Variants in RABGEF1 observed in about 807,000 individuals in gnomAD.
The protein encoded by RABGEF1 is RAB guanine nucleotide exchange factor 1.
Under a neutral mutation model 57.3 loss-of-function variants are expected in RABGEF1, and 26 were observed. The observed-to-expected ratio is 0.45, with a 90% CI of 0.33 to 0.63. RABGEF1 has a LOEUF of 0.63. RABGEF1 is among the 20% of genes least tolerant of loss of function. The probability of loss-of-function intolerance (pLI) is 0.02; values close to 1 mark genes in which losing one functional copy is unlikely to be tolerated. For missense variants in RABGEF1, 464 were observed against 607.6 expected (o/e 0.76, Z 2.48); for synonymous variants, 185 against 210.7 (o/e 0.88, Z 1.06).
At chr7:66,723,142 TA>T (rs1310852926) in intron 2 of RABGEF1, among the ~76,000 whole-genome samples, 3 of 152,146 alleles carry the variant, frequency 2.0e-5, no homozygotes, top group Non-Finnish European at 4.4e-5. Context: ...CTAGTTTTTG[TA>T]TTTTTAGTAG....
In RABGEF1 at chr7:66,752,038, CA is replaced by C. The variant is rs552233250; in HGVS notation, c.-18+11254del. The stretch of plus-strand genomic sequence containing the variant: ...AAAGACCCCATCTATATAAACAAAC[CA>C]AAAAAAACCCGCAAAAAACTAGCCA... On this transcript the variant is annotated intron_variant, in intron 1 of 8. Transcript: ENST00000284957. 9.3e-5 allele frequency among the ~76,000 whole-genome samples: 14 copies of C among 151,258 alleles called. No homozygotes were observed. The South Asian group carries it at 2.9e-3, about 32-fold the overall frequency.
intron 3 of RABGEF1, among the ~76,000 whole-genome samples, chr7:66,778,864 C>T (rs530390695): frequency 6.6e-6 from 1 of 152,260 alleles, no homozygotes; most frequent in South Asian, 2.1e-4. Context: ...GCCTATAATC[C>T]CAGCACTTTG....
chr7:66,771,088 C>T (rs1272950166), intron 1 of RABGEF1, among the ~76,000 whole-genome samples: 2 of 151,924 alleles, frequency 1.3e-5, no homozygotes, highest in African/African-American at 4.8e-5. Context: ...TGTGTTGTTC[C>T]TTTTTACCCT....
chr7:66,704,908 C>G (rs759975726), intron 1 of RABGEF1, among the ~76,000 whole-genome samples: 1 of 152,074 alleles, frequency 6.6e-6, no homozygotes, highest in East Asian at 1.9e-4. Flanking sequence ...TGCAGCTGGC[C>G]TATATTTAGT....
chr7:66,753,992 A>G (rs1802095065), intron 1 of RABGEF1, among the ~76,000 whole-genome samples: 1 of 148,380 alleles, frequency 6.7e-6, no homozygotes. Context: ...GGCATGAGCC[A>G]ACGTACTAGG....
chr7:66,709,627 A>G (rs1794547232), intron 1 of RABGEF1, among the ~76,000 whole-genome samples: 1 of 152,102 alleles, frequency 6.6e-6, no homozygotes, highest in Non-Finnish European at 1.5e-5. Context: ...TCTCTACTAA[A>G]AATACGAAAT....
At chr7:66,673,406 T>C in the RABGEF1 span, among the ~76,000 whole-genome samples, 2 of 151,988 alleles carry the variant, frequency 1.3e-5, no homozygotes. Context: ...ATCGTGGATG[T>C]GGGTGTAGAG....
intron 1 of RABGEF1, among the ~76,000 whole-genome samples, chr7:66,706,085 G>A (rs901970971): frequency 1.6e-4 from 24 of 150,474 alleles, no homozygotes; most frequent in African/African-American, 5.4e-4. Context: ...TGTATTTTTA[G>A]TAGAGACGGG....
upstream of RABGEF1, among the ~76,000 whole-genome samples, chr7:66,680,277 G>C (rs192026896): frequency 2.3e-3 from 345 of 150,806 alleles, 2 homozygotes; most frequent in African/African-American, 8.2e-3. Flanking sequence ...ACAGAGTTTC[G>C]CTCTTGTTGC....
At chr7:66,707,964 AT>A (rs1794331669) in intron 1 of RABGEF1, among the ~76,000 whole-genome samples, 1 of 151,958 alleles carries the variant, frequency 6.6e-6, no homozygotes, top group Non-Finnish European at 1.5e-5. Context: ...TGCATGGAAT[AT>A]TTTTGCATCC....
rs142280137 is a variant in RABGEF1 at position 66,712,625 on chromosome 7, C to G, written c.-815+401C>G. Among the ~76,000 whole-genome samples, 91 of 152,088 alleles carry G rather than the reference C, an allele frequency of 6.0e-4. 1 individual carries two copies. The South Asian group carries it at 0.012, about 20-fold the overall frequency. Reference sequence around the variant, plus strand: ...AGCTGAGACTATAGGTGTGCACCACCTCACCCAGCCAATTTTTTGTATCGT... The same window carrying G: ...AGCTGAGACTATAGGTGTGCACCACGTCACCCAGCCAATTTTTTGTATCGT... On this transcript the variant is annotated intron_variant and NMD_transcript_variant, in intron 2 of 9. Transcript: ENST00000607882.
intron 5 of RABGEF1, chr7:66,797,010 A>G (rs1209291953): frequency 5.3e-6 from 2 of 380,306 alleles, no homozygotes; most frequent in African/African-American, 2.2e-5. Context: ...CTATGAAAAT[A>G]TACTCTTGGC....
intron 2 of RABGEF1, among the ~76,000 whole-genome samples, chr7:66,719,449 G>GC (rs1447500957): frequency 1.3e-4 from 20 of 152,066 alleles, no homozygotes; most frequent in South Asian, 4.1e-4. Flanking sequence ...AAGCACCTCG[G>GC]CCCCCCGCAG....
chr7:66,797,377 C>T lies in RABGEF1; in HGVS notation c.599C>T (p.Pro200Leu). The T allele has an allele frequency of 6.2e-7, 1 of 1,607,548 alleles. No individual in the cohort carries two copies. The stretch of plus-strand genomic sequence containing the variant: ...TTTCTCTGTCTGGTTATTTCAGTGC[C>T]TCCAGAAAGAGTCGAGAAGATAATG... ...AERMQTRGKV[P>L]PERVEKIMDQ... The change falls in exon 6 of 9, where the codon CCT becomes CTT. Residue 200 changes from proline to leucine, a missense_variant. Coordinates refer to ENST00000284957, the MANE Select transcript of RABGEF1 (RefSeq NM_014504.3).
At chr7:66,710,591 GTGGTATCCTCTTA>G (rs1414819601) in intron 1 of RABGEF1, among the ~76,000 whole-genome samples, 2 of 152,176 alleles carry the variant, frequency 1.3e-5, no homozygotes, top group Non-Finnish European at 2.9e-5. Flanking sequence ...GAGGTGTTTA[GTGGTATCCTCTTA>G]TGGTTTTAAG....
At chr7:66,725,923 T>G (rs1181537925) in intron 2 of RABGEF1, among the ~76,000 whole-genome samples, 1 of 152,218 alleles carries the variant, frequency 6.6e-6, no homozygotes, top group Non-Finnish European at 1.5e-5. Context: ...GACCCTTTCT[T>G]GGGCACTGTG....
chr7:66,714,152 T>C (rs143109343), intron 2 of RABGEF1, among the ~76,000 whole-genome samples: 1 of 152,358 alleles, frequency 6.6e-6, no homozygotes, highest in African/African-American at 2.4e-5. Context: ...TTTTTCTGTT[T>C]TAAATCTTTG....
At chr7:66,788,374 G>A (rs1468736277) in intron 4 of RABGEF1, among the ~76,000 whole-genome samples, 7 of 152,068 alleles carry the variant, frequency 4.6e-5, no homozygotes, top group Non-Finnish European at 1.0e-4. Flanking sequence ...GAACCCAAAA[G>A]GTGGGGTTGC....
At chr7:66,755,836 C>G (rs1233444069) in intron 1 of RABGEF1, 1 of 433,706 alleles carries the variant, frequency 2.3e-6, no homozygotes. Flanking sequence ...TCTGCTCATT[C>G]CAGCAGCAAT....
Sources: gnomAD v4.1 joint callset for allele counts (sites outside exome capture counted in the v4.1 genomes callset) on GRCh38, gnomAD v4.1.1 for gene constraint, MANE v1.5 for transcripts, NCBI Gene and HGNC (gene_info 2026-07-23, HGNC 2026-07-21) for gene names.